Variants in BBS9 observed in about 807,000 individuals in gnomAD.
BBS9 encodes Bardet-Biedl syndrome 9, also known as protein PTHB1.
Under a neutral mutation model 117.7 loss-of-function variants are expected in BBS9, and 89 were observed. That is an observed-to-expected ratio of 0.76 (90% CI 0.64 to 0.90). The LOEUF (loss-of-function observed/expected upper bound fraction) is 0.90. BBS9 is among the 40% of genes least tolerant of loss of function. The pLI, the probability that BBS9 is intolerant of heterozygous loss-of-function variation, is 0.00. For missense variants in BBS9, 982 were observed against 1,042.2 expected, an observed-to-expected ratio of 0.94 and a Z score of 0.80; for synonymous variants, 379 against 370.9, an observed-to-expected ratio of 1.02 and a Z score of -0.25.
intron 19 of BBS9, among the ~76,000 whole-genome samples, chr7:33,438,751 G>A (rs1397076458): frequency 6.6e-6 from 1 of 152,124 alleles, no homozygotes; most frequent in Non-Finnish European, 1.5e-5. Flanking sequence ...AAGAACTTGG[G>A]CTATATACAT....
At chr7:33,474,632 G>A (rs1841543928) in intron 19 of BBS9, among the ~76,000 whole-genome samples, 1 of 152,094 alleles carries the variant, frequency 6.6e-6, no homozygotes, top group South Asian at 2.1e-4. Context: ...TTCTGTCTAT[G>A]CTCCTTAGAA....
chr7:33,378,083 A>G (rs1196279247), intron 17 of BBS9, among the ~76,000 whole-genome samples: 3 of 152,200 alleles, frequency 2.0e-5, no homozygotes, highest in Admixed American at 6.5e-5. Context: ...CCTTATTACC[A>G]TTAGTACTAT....
At chr7:33,421,051 G>A (rs1832787210) in intron 19 of BBS9, among the ~76,000 whole-genome samples, 2 of 152,228 alleles carry the variant, frequency 1.3e-5, no homozygotes, top group Non-Finnish European at 2.9e-5. Flanking sequence ...AATGTTGACT[G>A]CAGGTGTGTT....
intron 19 of BBS9, among the ~76,000 whole-genome samples, chr7:33,463,776 G>A (rs9886232): frequency 5.9e-5 from 9 of 151,876 alleles, no homozygotes; most frequent in African/African-American, 2.2e-4. Flanking sequence ...CAAATGTAAA[G>A]TTCCTACATT....
chr7:33,345,827 G>A (rs1373599424), intron 12 of BBS9, among the ~76,000 whole-genome samples: 2 of 152,128 alleles, frequency 1.3e-5, no homozygotes, highest in East Asian at 3.9e-4. Flanking sequence ...ATTTAGGAGT[G>A]CACTGTTAAT....
At chr7:33,501,315 T>C (rs1283538010) in intron 19 of BBS9, among the ~76,000 whole-genome samples, 1 of 152,234 alleles carries the variant, frequency 6.6e-6, no homozygotes, top group Non-Finnish European at 1.5e-5. Context: ...TAAAACTAAA[T>C]TGAGAACATG....
At chr7:33,228,338 G>T (rs1367630578) in intron 5 of BBS9, among the ~76,000 whole-genome samples, 5 of 151,958 alleles carry the variant, frequency 3.3e-5, no homozygotes, top group Admixed American at 1.3e-4. Flanking sequence ...TTTAGTTGAA[G>T]CAATTAAAAA....
At chr7:33,552,998 G>A (rs1201692904) in intron 21 of BBS9, among the ~76,000 whole-genome samples, 2 of 152,062 alleles carry the variant, frequency 1.3e-5, no homozygotes, top group Non-Finnish European at 2.9e-5. Flanking sequence ...CTCACCAAGC[G>A]TTTTCCTGCC....
At chr7:33,627,522 A>G (rs1865698491) in intron 21 of BBS9, among the ~76,000 whole-genome samples, 1 of 152,142 alleles carries the variant, frequency 6.6e-6, no homozygotes, top group South Asian at 2.1e-4. Context: ...TGGTAGATCC[A>G]CTGACAGCTT....
At position 33,404,560 on chromosome 7, in the gene BBS9, A is replaced by G. The variant is rs1829575342; in HGVS notation, c.2115+16416A>G. ...AGTCCTCCTTGAAGAGGTCCTTCACATCCCTTGTAAGTTGGATTCCTAAGT... is the reference window on the plus strand; with the variant it reads ...AGTCCTCCTTGAAGAGGTCCTTCACGTCCCTTGTAAGTTGGATTCCTAAGT... On this transcript the variant is annotated intron_variant, in intron 19 of 22. Transcript: ENST00000242067. Among the ~76,000 whole-genome samples, 4 of 152,132 alleles carry G rather than the reference A, an allele frequency of 2.6e-5. No homozygotes were observed. The South Asian group carries it at 8.3e-4, about 32-fold the overall frequency.
At chr7:33,368,637 T>A (rs1822278101) in intron 17 of BBS9, among the ~76,000 whole-genome samples, 1 of 149,416 alleles carries the variant, frequency 6.7e-6, no homozygotes, top group African/African-American at 2.5e-5. Context: ...CTTGAAATAG[T>A]CTGGCTCAGG....
At position 33,332,914 on chromosome 7, in the gene BBS9, G is replaced by T. The variant is rs963320976; in HGVS notation, c.1017-3527G>T. ...AAAATGTACAGTTCTGTGGCATTAG[G>T]TACATTCATACTGCTGTGCAATCAT... On this transcript the variant is annotated intron_variant, in intron 9 of 22. Coordinates refer to ENST00000242067, the MANE Select transcript of BBS9 (RefSeq NM_198428.3). 3.3e-5 allele frequency among the ~76,000 whole-genome samples: 5 copies of T among 151,984 alleles called. No individual in the cohort carries two copies. In the East Asian group the frequency reaches 7.8e-4, roughly 24 times the overall value.
chr7:33,503,246 G>A (rs1035811616), intron 19 of BBS9, among the ~76,000 whole-genome samples: 7 of 152,106 alleles, frequency 4.6e-5, no homozygotes, highest in African/African-American at 7.2e-5. Flanking sequence ...GTTCAGGCCC[G>A]TCAAAGCTCG....
At chr7:33,341,549 A>G (rs964063034) in intron 11 of BBS9, among the ~76,000 whole-genome samples, 1 of 152,132 alleles carries the variant, frequency 6.6e-6, no homozygotes, top group African/African-American at 2.4e-5. Context: ...AAATGGGAAT[A>G]ATAATAGAAT....
chr7:33,509,611 C>T (rs193237054), intron 20 of BBS9, among the ~76,000 whole-genome samples: 71 of 152,258 alleles, frequency 4.7e-4, no homozygotes, highest in South Asian at 2.9e-3. Flanking sequence ...CCTCTCAGCT[C>T]AAGGTCACAT....
At chr7:33,200,643 TGTCA>T (rs747931311) in intron 5 of BBS9, among the ~76,000 whole-genome samples, 1 of 152,178 alleles carries the variant, frequency 6.6e-6, no homozygotes, top group Non-Finnish European at 1.5e-5. Context: ...TTATTGAATC[TGTCA>T]GTTTTTTTCT....
intron 9 of BBS9, among the ~76,000 whole-genome samples, chr7:33,328,066 T>G (rs1813211745): frequency 6.6e-6 from 1 of 152,154 alleles, no homozygotes; most frequent in Non-Finnish European, 1.5e-5. Context: ...GCTGGAGATA[T>G]AGAGGTGGGA....
chr7:33,275,814 T>C (rs1800665912), intron 9 of BBS9, among the ~76,000 whole-genome samples: 2 of 152,212 alleles, frequency 1.3e-5, no homozygotes, highest in East Asian at 3.8e-4. Flanking sequence ...TCAGCAGATA[T>C]TTATTGTTAA....
chr7:33,415,013 T>C (rs192026518), intron 19 of BBS9, among the ~76,000 whole-genome samples: 221 of 152,284 alleles, frequency 1.5e-3, no homozygotes, highest in African/African-American at 5.0e-3. Context: ...CCTGAGTTAT[T>C]TGGATCGAAA....
Sources: gnomAD v4.1 joint callset for allele counts (sites outside exome capture counted in the v4.1 genomes callset) on GRCh38, gnomAD v4.1.1 for gene constraint, MANE v1.5 for transcripts, NCBI Gene and HGNC (gene_info 2026-07-23, HGNC 2026-07-21) for gene names.